Variants in SNX31 observed in about 807,000 individuals in gnomAD.
The protein encoded by SNX31 is sorting nexin 31, also known as sorting nexin-31.
Under a neutral mutation model 65.4 loss-of-function variants are expected in SNX31, and 58 were observed. The observed-to-expected ratio is 0.89, with a 90% confidence interval of 0.72 to 1.10. SNX31 has a LOEUF of 1.10. SNX31 is among the 50% of genes least tolerant of loss of function. The pLI is 0.00. For missense variants in SNX31, 523 were observed against 529.7 expected (o/e 0.99, Z 0.12); for synonymous variants, 181 against 190.1 (o/e 0.95, Z 0.39).
rs907477526 is a variant in SNX31 at position 100,573,745 on chromosome 8, C to CA, written c.*119dup. The CA allele has an allele frequency of 1.8e-5, 11 of 595,684 alleles. No homozygotes were observed. The highest frequency in any genetic ancestry group is 1.5e-4 in the African/African-American group (8 of 52,422). 36.9% of individuals were successfully genotyped at this position (595,684 alleles called of 1,614,324 possible). On this transcript the variant is annotated 3_prime_UTR_variant, in exon 14 of 14. Transcript: ENST00000311812. ...TGATGAATACAGTCCATGTTAATGC[C>CA]AAAAAAATGGGAAGAGGTCAAATTT...
rs141108018 is a variant in SNX31, at chr8:100,630,319, A to G, written c.321+8T>C. On this transcript the variant is annotated splice_region_variant and intron_variant, in intron 4 of 13. Coordinates refer to ENST00000311812, the MANE Select transcript of SNX31 (RefSeq NM_152628.4). The surrounding 1 kb of genome is among the most constrained non-coding windows in gnomAD (Gnocchi z 5.3). ...AATGATGGCCCCATTAAAGAAGAGC[A>G]AGCTTACCAGCTGCGCCAGTTTTAA... 1 of 1,613,526 alleles carries G rather than the reference A, an allele frequency of 6.2e-7. No homozygotes were observed. Among genetic ancestry groups the G allele is most frequent in the East Asian group, 2.2e-5 (1 of 44,876 alleles).
At chr8:100,607,512 C>A (rs1379291422) in intron 8 of SNX31, among the ~76,000 whole-genome samples, 11 of 151,846 alleles carry the variant, frequency 7.2e-5, no homozygotes, top group Admixed American at 7.2e-4. Flanking sequence ...CTACCTAGTG[C>A]AAAATGAAAA....
intron 2 of SNX31, among the ~76,000 whole-genome samples, chr8:100,642,515 C>A (rs1205647260): frequency 6.6e-6 from 1 of 152,188 alleles, no homozygotes; most frequent in East Asian, 1.9e-4. Context: ...AGAGCAGAAA[C>A]CTTCCCAGCA....
At chr8:100,627,092 G>A (rs1241733298) in intron 4 of SNX31, among the ~76,000 whole-genome samples, 4 of 152,188 alleles carry the variant, frequency 2.6e-5, no homozygotes, top group Non-Finnish European at 4.4e-5. Flanking sequence ...AGTGGCTCAC[G>A]TCTGTAATCC....
At chr8:100,645,486 G>A (rs1324078757) in intron 2 of SNX31, among the ~76,000 whole-genome samples, 1 of 152,062 alleles carries the variant, frequency 6.6e-6, no homozygotes. Flanking sequence ...TATGTATCAA[G>A]TGGTGCATGG....
At chr8:100,579,426 T>C (rs759950848) in intron 12 of SNX31, among the ~76,000 whole-genome samples, 2 of 152,204 alleles carry the variant, frequency 1.3e-5, no homozygotes, top group Non-Finnish European at 2.9e-5. Flanking sequence ...GTTAATAACA[T>C]AATCACTTAT....
At chr8:100,653,835 G>A (rs1329838249), upstream of SNX31, among the ~76,000 whole-genome samples, 1 of 152,220 alleles carries the variant, frequency 6.6e-6, no homozygotes, top group Non-Finnish European at 1.5e-5. Context: ...CAGAGGAAGA[G>A]CAGCTCAGAG....
At position 100,654,702 on chromosome 8, in the gene SNX31, A is replaced by G. The variant is rs1241955186; in HGVS notation, c.-58+8440T>C. 2.0e-5 allele frequency among the ~76,000 whole-genome samples: 3 copies of G among 152,334 alleles called. No individual in the cohort carries two copies. The East Asian group carries it at 5.8e-4, about 29-fold the overall frequency. ...GGCATCACATTCAATGTGGGAATTGAAAGATGAAGATGGAAAAAGTAAAGA... is the reference window on the plus strand; with the variant it reads ...GGCATCACATTCAATGTGGGAATTGGAAGATGAAGATGGAAAAAGTAAAGA... On this transcript the variant is annotated intron_variant, in intron 1 of 5. Coordinates refer to the SNX31 transcript ENST00000520352.
Position 100,614,158 on chromosome 8 carries a change from T to A in SNX31, c.433-1073A>T, listed in dbSNP as rs1392795603. On this transcript the variant is annotated intron_variant, in intron 5 of 13. Transcript: ENST00000311812. The surrounding 1 kb of genome is among the most constrained non-coding windows in gnomAD (Gnocchi z 5.1). ...ATAGTTTCACCACTTTCAAAGCAATTCCCTTCCCCTTCTTTCTGTCTCTCT... is the reference window on the plus strand; with the variant it reads ...ATAGTTTCACCACTTTCAAAGCAATACCCTTCCCCTTCTTTCTGTCTCTCT... Among the ~76,000 whole-genome samples the A allele has an allele frequency of 6.6e-6, 1 of 152,172 alleles. No homozygotes were observed. Among genetic ancestry groups the A allele is most frequent in the African/African-American group, 2.4e-5 (1 of 41,436 alleles).
At position 100,584,690 on chromosome 8, in the gene SNX31, GA is replaced by G. The variant is rs1554571599; in HGVS notation, c.1093-503del. ...AGCACCTTATTGCTTTTACTAAACT[GA>G]AAAAAAAGATCAGCTGTTTTTCTTC... is the stretch of plus-strand genomic sequence containing the variant. On this transcript the variant is annotated intron_variant, in intron 11 of 13. Coordinates refer to ENST00000311812, the MANE Select transcript of SNX31 (RefSeq NM_152628.4). 3.4e-5 allele frequency among the ~76,000 whole-genome samples: 5 copies of G among 148,876 alleles called. No homozygotes were observed. The South Asian group carries it at 6.4e-4, about 19-fold the overall frequency.
At chr8:100,641,625 C>CATATATATATATATATATAT (rs368399829) in intron 2 of SNX31, among the ~76,000 whole-genome samples, 4 of 48,834 alleles carry the variant, frequency 8.2e-5, no homozygotes, top group African/African-American at 1.9e-4. Context: ...CACACACGCG[C>CATATATATATATATATATAT]ATATATATAT....
At position 100,613,167 on chromosome 8, in the gene SNX31, G is replaced by T; in HGVS notation, c.433-82C>A. On this transcript the variant is annotated intron_variant, in intron 5 of 13. Coordinates refer to ENST00000311812, the MANE Select transcript of SNX31 (RefSeq NM_152628.4). This position sits in a 1 kb window ranked among gnomAD's most constrained non-coding sequence, Gnocchi z 5.2. Reference sequence around the variant, plus strand: ...AACTGTGACATGCAGACTTGGAAATGGCCGGTACACATCAATAAAAAATGC... The same window carrying T: ...AACTGTGACATGCAGACTTGGAAATTGCCGGTACACATCAATAAAAAATGC... The T allele has an allele frequency of 1.9e-6, 2 of 1,074,270 alleles. No individual in the cohort carries two copies. Among genetic ancestry groups the T allele is most frequent in the Non-Finnish European group, 2.9e-6 (2 of 697,974 alleles). 66.5% of individuals were successfully genotyped at this position (1,074,270 alleles called of 1,614,324 possible). A position where few individuals can be genotyped will look rare whatever the true frequency, so the allele number is the denominator to read the frequency against.
intron 13 of SNX31, among the ~76,000 whole-genome samples, chr8:100,574,448 G>A (rs11987837): frequency 0.025 from 3,730 of 152,130 alleles, 168 homozygotes; most frequent in African/African-American, 0.085. Context: ...CCTGGCCAAC[G>A]TGGTGAAACC....
At chr8:100,659,700 C>T (rs1809745505) in intron 1 of SNX31, among the ~76,000 whole-genome samples, 1 of 152,028 alleles carries the variant, frequency 6.6e-6, no homozygotes, top group Non-Finnish European at 1.5e-5. Flanking sequence ...AAAAAGTTTC[C>T]TCAACCCCAA....
At chr8:100,577,584 G>C (rs1438913436) in intron 12 of SNX31, among the ~76,000 whole-genome samples, 1 of 152,208 alleles carries the variant, frequency 6.6e-6, no homozygotes, top group Non-Finnish European at 1.5e-5. Context: ...GAGAATTTTA[G>C]GAAGGAACCG....
At chr8:100,639,869 C>T (rs926890632) in intron 2 of SNX31, among the ~76,000 whole-genome samples, 71 of 151,940 alleles carry the variant, frequency 4.7e-4, no homozygotes, top group African/African-American at 1.7e-3. Flanking sequence ...GCCTGGAGTA[C>T]CTTGTAGCTC....
In SNX31 at chr8:100,588,795, C is replaced by T. The variant is rs2130849744; in HGVS notation, c.1092+71G>A. ...GCTCTAGTTGGGTTAGGGTCATGTG[C>T]TTCATCCACCCCAGCAAGCAAGACA... On this transcript the variant is annotated intron_variant, in intron 11 of 13. Coordinates refer to ENST00000311812, the MANE Select transcript of SNX31 (RefSeq NM_152628.4). This position sits in a 1 kb window ranked among gnomAD's most constrained non-coding sequence, Gnocchi z 4.8. The T allele has an allele frequency of 8.5e-7, 1 of 1,172,296 alleles. No homozygotes were observed. The highest frequency in any genetic ancestry group is 1.3e-5 in the South Asian group (1 of 76,986). The allele number at this position is 1,172,296 out of a possible 1,614,324, so 72.6% of individuals were successfully genotyped here. A position where few individuals can be genotyped will look rare whatever the true frequency, so the allele number is the denominator to read the frequency against.
At position 100,600,385 on chromosome 8, in the gene SNX31, T is replaced by C; in HGVS notation, c.738A>G (p.Lys246=). 1 of 1,613,902 alleles carries C rather than the reference T, an allele frequency of 6.2e-7. No individual in the cohort carries two copies. The highest frequency in any genetic ancestry group is 8.5e-7 in the Non-Finnish European group (1 of 1,179,846). Residue 246 remains lysine (K), a synonymous_variant, in exon 9 of 14, where the codon AAA becomes AAG. Coordinates refer to ENST00000311812, the MANE Select transcript of SNX31 (RefSeq NM_152628.4). ...WAKPTQAQRQ[K]LEAFQKEDSQ... is the part of the protein sequence containing the mutation. ...TGTCTTCTTTCTGGAAAGCTTCTAA[T>C]TTCTGCCTCTGTGCCTGTGTGGGTT...
intron 9 of SNX31, 32 bp from the exon 10 acceptor site, chr8:100,596,874 G>C: frequency 3.1e-6 from 5 of 1,596,426 alleles, no homozygotes; most frequent in Non-Finnish European, 4.3e-6. Context: ...GGGGGGAGGG[G>C]AGGCAAGAGG....
Sources: allele counts gnomAD v4.1 joint callset (sites outside exome capture counted in the v4.1 genomes callset), GRCh38; gene constraint gnomAD v4.1.1; non-coding constraint Gnocchi (gnomAD v3.1); transcripts MANE v1.5; gene names NCBI Gene and HGNC (gene_info 2026-07-23, HGNC 2026-07-21).